The following NAV2 variants were observed in gnomAD, a reference collection of about 807,000 sequenced individuals.
NAV2 encodes the protein neuron navigator 2, also known as helicase, APC down-regulated 1.
A neutral mutation model predicts 223.2 loss-of-function variants in NAV2; 54 were observed. That is an observed-to-expected ratio of 0.24 (90% confidence interval 0.19 to 0.30). NAV2 has a LOEUF of 0.30. Among genes scored for constraint, NAV2 ranks in the 10% least tolerant of loss-of-function variants. The pLI is 1.00. For synonymous variants in NAV2, 1,279 were observed against 1,239.3 expected, an observed-to-expected ratio of 1.03 and a Z score of -0.67; for missense variants, 2,806 against 3,147.5, an observed-to-expected ratio of 0.89 and a Z score of 2.60.
intron 1 of NAV2, among the ~76,000 whole-genome samples, chr11:19,451,321 G>T (rs1851783013): frequency 6.6e-6 from 1 of 151,996 alleles, no homozygotes; most frequent in South Asian, 2.1e-4. Context: ...AGATTTACTT[G>T]TATCCCCCAA....
chr11:19,878,139 C>T (rs745550332), intron 4 of NAV2, among the ~76,000 whole-genome samples: 9 of 152,230 alleles, frequency 5.9e-5, no homozygotes, highest in Non-Finnish European at 2.9e-5. Context: ...GACTTGTCCA[C>T]ATCAGTCCTG....
Position 20,074,446 on chromosome 11 carries a change from G to C in NAV2, c.4984-3106G>C, listed in dbSNP as rs373454188. Among the ~76,000 whole-genome samples, 22 of 152,302 alleles carry C rather than the reference G, an allele frequency of 1.4e-4. No homozygotes were observed. In the East Asian group the frequency reaches 3.5e-3, roughly 24 times the overall value. ...TTGAGAGTTCTGTAGATGTCTATTAGGTGTGCTTGGTCCAGAGATGAGCTC... is the reference window on the plus strand; with the variant it reads ...TTGAGAGTTCTGTAGATGTCTATTACGTGTGCTTGGTCCAGAGATGAGCTC... On this transcript the variant is annotated intron_variant, in intron 22 of 37. Coordinates refer to ENST00000349880, the MANE Select transcript of NAV2 (RefSeq NM_145117.5).
chr11:19,816,389 A>G (rs1157698097), intron 1 of NAV2, among the ~76,000 whole-genome samples: 1 of 152,236 alleles, frequency 6.6e-6, no homozygotes, highest in African/African-American at 2.4e-5. Context: ...TCTCTGCCCA[A>G]CGGGCTGGAG....
intron 1 of NAV2, among the ~76,000 whole-genome samples, chr11:19,629,497 A>G (rs2135479911): frequency 6.6e-6 from 1 of 151,694 alleles, no homozygotes; most frequent in East Asian, 1.9e-4. Flanking sequence ...ACACACGTAC[A>G]GACACACACA....
intron 1 of NAV2, among the ~76,000 whole-genome samples, chr11:19,685,299 T>C (rs781737601): frequency 3.9e-5 from 6 of 152,174 alleles, no homozygotes; most frequent in Non-Finnish European, 7.4e-5. Flanking sequence ...ATGCCCATGA[T>C]ATCATCCATC....
intron 10 of NAV2, among the ~76,000 whole-genome samples, chr11:19,971,467 GC>G (rs2049236669): frequency 6.6e-6 from 1 of 152,152 alleles, no homozygotes; most frequent in African/African-American, 2.4e-5. Context: ...CAAAGAGAGA[GC>G]TGTGAGATTT....
chr11:19,820,067 G>T (rs1159143405), intron 1 of NAV2, among the ~76,000 whole-genome samples: 2 of 152,276 alleles, frequency 1.3e-5, no homozygotes, highest in Non-Finnish European at 2.9e-5. Context: ...TCTGCAGTCT[G>T]CAGGTGAGGG....
chr11:19,583,529 C>G lies in NAV2; in HGVS notation c.75+232502C>G, dbSNP rs142436223. ...GGCTGTGGGTTTGTCATAGATAGCT[C>G]TTATTATTTTGAGACATGTCCCATC... On this transcript the variant is annotated intron_variant, in intron 1 of 37. Coordinates refer to the NAV2 transcript ENST00000360655. Among the ~76,000 whole-genome samples, 1,486 of 152,214 alleles carry G rather than the reference C, an allele frequency of 9.8e-3. 14 individuals carry two copies. The highest frequency in any genetic ancestry group is 0.039 in the South Asian group (190 of 4,814).
chr11:19,732,628 T>G (rs1215976743), intron 1 of NAV2, among the ~76,000 whole-genome samples: 1 of 152,218 alleles, frequency 6.6e-6, no homozygotes, highest in Admixed American at 6.5e-5. Context: ...CCCTGGCTTC[T>G]TAGGAGGCCT....
At chr11:20,114,817 C>G in intron 37 of NAV2, 22 bp downstream of exon 37, 1 of 1,603,802 alleles carries the variant, frequency 6.2e-7, no homozygotes, top group Non-Finnish European at 8.5e-7. Context: ...GCCACCAGAG[C>G]AGCTCAGCAT....
chr11:19,667,010 C>T (rs1440710958), intron 1 of NAV2, among the ~76,000 whole-genome samples: 1 of 152,182 alleles, frequency 6.6e-6, no homozygotes, highest in African/African-American at 2.4e-5. Context: ...AAGGCCCTCC[C>T]CAGCCTCCCT....
chr11:19,682,848 C>T (rs1249685840), intron 1 of NAV2, among the ~76,000 whole-genome samples: 2 of 152,152 alleles, frequency 1.3e-5, no homozygotes, highest in African/African-American at 2.4e-5. Flanking sequence ...GGCCCCATCT[C>T]CAACACTCAT....
intron 1 of NAV2, among the ~76,000 whole-genome samples, chr11:19,776,632 ATGTGTGTGTGTGTGTGTG>A (rs71050685): frequency 1.7e-4 from 11 of 64,616 alleles, no homozygotes; most frequent in African/African-American, 4.6e-4. Flanking sequence ...GGGTCAGAAA[ATGTGTGTGTGTGTGTGTG>A]TGTGTGTGTG....
intron 1 of NAV2, among the ~76,000 whole-genome samples, chr11:19,561,964 G>A (rs1300509484): frequency 6.6e-6 from 1 of 152,152 alleles, no homozygotes; most frequent in Non-Finnish European, 1.5e-5. Flanking sequence ...TTCTACTTCA[G>A]GCTTTTCTTC....
intron 16 of NAV2, among the ~76,000 whole-genome samples, chr11:20,051,083 G>A (rs753224795): frequency 5.3e-5 from 8 of 152,188 alleles, no homozygotes; most frequent in South Asian, 2.1e-4. Flanking sequence ...TAAAGTATGC[G>A]CTGGTGTCAG....
intron 10 of NAV2, among the ~76,000 whole-genome samples, chr11:19,965,169 G>A (rs1175991210): frequency 2.6e-5 from 4 of 152,074 alleles, no homozygotes; most frequent in Admixed American, 2.0e-4. Context: ...TTCTCCTGTT[G>A]AGGACACAGG....
intron 12 of NAV2, among the ~76,000 whole-genome samples, chr11:20,042,570 G>A (rs1056160204): frequency 6.6e-6 from 1 of 152,152 alleles, no homozygotes; most frequent in African/African-American, 2.4e-5. Context: ...AGGGGAGAAG[G>A]GGTTGGGGTG....
At chr11:19,691,473 C>T (rs2049172252) in intron 1 of NAV2, among the ~76,000 whole-genome samples, 1 of 152,212 alleles carries the variant, frequency 6.6e-6, no homozygotes, top group Non-Finnish European at 1.5e-5. Flanking sequence ...GCAGTTGTCA[C>T]ATGTGGCTTC....
At chr11:19,600,550 C>T (rs2046324968) in intron 1 of NAV2, among the ~76,000 whole-genome samples, 1 of 152,194 alleles carries the variant, frequency 6.6e-6, no homozygotes, top group Non-Finnish European at 1.5e-5. Context: ...TACAGTACAG[C>T]ATTGTGGCTA....
Sources: gnomAD v4.1 joint callset for allele counts (sites outside exome capture counted in the v4.1 genomes callset) on GRCh38, gnomAD v4.1.1 for gene constraint, MANE v1.5 for transcripts, NCBI Gene and HGNC (gene_info 2026-07-23, HGNC 2026-07-21) for gene names.